HERC2: variants seen among roughly 807,000 people sequenced by gnomAD.
HERC2 encodes HECT and RLD domain containing E3 ubiquitin protein ligase 2.
A neutral mutation model predicts 537.7 loss-of-function variants in HERC2; 102 were observed. The ratio of observed to expected loss-of-function variants is 0.19; its 90% CI spans 0.16 to 0.22. The LOEUF (loss-of-function observed/expected upper bound fraction) is 0.22. Ranked by LOEUF, HERC2 falls within the 10% of genes least tolerant of loss-of-function variation. HERC2 has a pLI of 1.00. For missense variants in HERC2, 4,236 were observed against 6,198.2 expected (o/e 0.68, Z 10.63); for synonymous variants, 2,224 against 2,466.2 (o/e 0.90, Z 2.91).
chr15:28,116,084 T>A (rs1049596981), intron 88 of HERC2, among the ~76,000 whole-genome samples: 1 of 152,202 alleles, frequency 6.6e-6, no homozygotes, highest in African/African-American at 2.4e-5. Flanking sequence ...GCTCTGCCAG[T>A]GCCTGCAGCT....
chr15:28,291,550 C>T (rs114893914), intron 4 of HERC2, among the ~76,000 whole-genome samples: 3,046 of 152,042 alleles, frequency 0.02, 101 homozygotes, highest in African/African-American at 0.07. Context: ...ATAATCTATA[C>T]ATTTTTATAA....
chr15:28,133,582 C>G (rs1447542766), intron 79 of HERC2, among the ~76,000 whole-genome samples: 1 of 152,190 alleles, frequency 6.6e-6, no homozygotes, highest in Non-Finnish European at 1.5e-5. Flanking sequence ...ATTTTACATT[C>G]TACATTCATG....
intron 52 of HERC2, among the ~76,000 whole-genome samples, chr15:28,193,046 T>C (rs550460884): frequency 3.9e-5 from 6 of 152,078 alleles, no homozygotes; most frequent in African/African-American, 1.4e-4. Flanking sequence ...AGAACAACCT[T>C]CTCTCCTCCA....
At chr15:28,283,065 C>T (rs2076066824) in intron 4 of HERC2, among the ~76,000 whole-genome samples, 1 of 128,572 alleles carries the variant, frequency 7.8e-6, no homozygotes, top group Non-Finnish European at 1.6e-5. Flanking sequence ...AAAAACCAGT[C>T]TTGGGGACCT....
chr15:28,168,761 T>C lies in HERC2; in HGVS notation c.10230-171A>G, dbSNP rs1286757376. ...TTATTACCATGTATCCTTTGGCTAA[T>C]AGCTAAAATGTTTACTCTGGATCCT... On this transcript the variant is annotated intron_variant, in intron 66 of 92. Coordinates refer to ENST00000261609, the MANE Select transcript of HERC2 (RefSeq NM_004667.6). Among the ~76,000 whole-genome samples, 4 of 152,370 alleles carry C rather than the reference T, an allele frequency of 2.6e-5. No homozygotes were observed. The East Asian group carries it at 7.7e-4, about 29-fold the overall frequency.
Position 28,113,024 on chromosome 15 carries a change from G to A in HERC2, c.14232+47C>T, listed in dbSNP as rs762828817. 40 of 1,528,946 alleles carry A rather than the reference G, an allele frequency of 2.6e-5. No individual in the cohort carries two copies. Among genetic ancestry groups the A allele is most frequent in the African/African-American group, 2.5e-4 (18 of 72,924 alleles). 94.7% of individuals were successfully genotyped at this position (1,528,946 alleles called of 1,614,324 possible). ...GTGGGTGAGGAGCCAGCCACCCACCGTCGGCCGACATCAGCCCAGGGCCGG... is the reference window on the plus strand; with the variant it reads ...GTGGGTGAGGAGCCAGCCACCCACCATCGGCCGACATCAGCCCAGGGCCGG... On this transcript the variant is annotated intron_variant, in intron 92 of 92. Transcript: ENST00000261609. This position sits in a 1 kb window ranked among gnomAD's most constrained non-coding sequence, Gnocchi z 7.0.
At position 28,270,818 on chromosome 15, in the gene HERC2, G is replaced by A; in HGVS notation, c.1134C>T (p.Thr378=). Residue 378 remains threonine (T), a synonymous_variant, in exon 10 of 93, where the codon ACC becomes ACT. Transcript: ENST00000261609. Reference sequence around the variant, plus strand: ...TGGCAAGCTCGTTGTCTTGTGGAAGGGTGAGGTACCTCAGGAAACTCTCAT... The same window carrying A: ...TGGCAAGCTCGTTGTCTTGTGGAAGAGTGAGGTACCTCAGGAAACTCTCAT... ...SPNESFLRYL[T]LPQDNELAID... 8 of 1,613,892 alleles carry A rather than the reference G, an allele frequency of 5.0e-6. No homozygotes were observed. Among genetic ancestry groups the A allele is most frequent in the Non-Finnish European group, 6.8e-6 (8 of 1,179,838 alleles).
In HERC2 at chr15:28,211,090, T is replaced by G; in HGVS notation, c.6981A>C (p.Lys2327Asn). The G allele has an allele frequency of 6.2e-7, 1 of 1,611,466 alleles. No homozygotes were observed. The highest frequency in any genetic ancestry group is 1.3e-5 in the African/African-American group (1 of 74,930). Residue 2327 changes from lysine (K) to asparagine (N), a missense_variant, in exon 44 of 93, where the codon AAA becomes AAC. Lys to Asn is a moderately conservative substitution (Grantham distance 94). Transcript: ENST00000261609. ...RCQQLKLYIL[K>N]AGRALLSHQD... ...GGTGGGAGAGCAGCGCCCGACCTGC[T>G]TTCAGGATGTATAGCTTCAACTGCT...
intron 5 of HERC2, 29 bp from the exon 6 acceptor site, chr15:28,275,034 C>T (rs1172795596): frequency 2.1e-6 from 3 of 1,460,374 alleles, no homozygotes; most frequent in Non-Finnish European, 2.9e-6. Flanking sequence ...GAACATACAA[C>T]CAGTCAGCAG....
chr15:28,127,514 AG>A (rs1374323940), intron 83 of HERC2, among the ~76,000 whole-genome samples: 1 of 152,224 alleles, frequency 6.6e-6, no homozygotes, highest in African/African-American at 2.4e-5. Context: ...AACATAAACC[AG>A]GGTATTGTTT....
chr15:28,139,928 C>T (rs1262441294), intron 78 of HERC2, among the ~76,000 whole-genome samples: 1 of 149,880 alleles, frequency 6.7e-6, no homozygotes, highest in African/African-American at 2.5e-5. Context: ...ATTAGCCAGG[C>T]GTGGTGGCGG....
chr15:28,292,853 C>G (rs1205843182), intron 4 of HERC2, 35 bp downstream of exon 4: 4 of 1,598,414 alleles, frequency 2.5e-6, no homozygotes, highest in East Asian at 2.2e-5. Context: ...AGCGTCAGAT[C>G]AACCTTTCCA....
chr15:28,276,079 C>A (rs957803693), intron 5 of HERC2, among the ~76,000 whole-genome samples: 3 of 144,396 alleles, frequency 2.1e-5, no homozygotes, highest in Admixed American at 7.1e-5. Flanking sequence ...CCCAGCTACT[C>A]GGAGGCTGAG....
At position 28,275,052 on chromosome 15, in the gene HERC2, T is replaced by C. The variant is rs748043117; in HGVS notation, c.543-47A>G. 2.5e-6 allele frequency: 3 copies of C among 1,204,806 alleles called. No individual in the cohort carries two copies. In the Admixed American group the frequency reaches 5.1e-5, roughly 21 times the overall value. The allele number at this position is 1,204,806 out of a possible 1,614,324, so 74.6% of individuals were successfully genotyped here. A position where few individuals can be genotyped will look rare whatever the true frequency, so the allele number is the denominator to read the frequency against. ...CATACAACCAGTCAGCAGCAGAGGG[T>C]GCAGATACTACATAAAATCAATACT... On this transcript the variant is annotated intron_variant, in intron 5 of 92. Transcript: ENST00000261609.
chr15:28,155,254 G>C (rs990226275), intron 69 of HERC2, among the ~76,000 whole-genome samples: 7 of 152,112 alleles, frequency 4.6e-5, no homozygotes, highest in African/African-American at 7.2e-5. Context: ...ATAGCAGCAT[G>C]ATTTATAATC....
In HERC2 at chr15:28,141,496, G is replaced by C. The variant is rs1304907149; in HGVS notation, c.11951C>G (p.Thr3984Ser). 1.9e-6 allele frequency: 3 copies of C among 1,614,024 alleles called. No homozygotes were observed. In the African/African-American group the frequency reaches 4.0e-5, roughly 22 times the overall value. Residue 3984 changes from threonine (T) to serine (S), a missense_variant, in exon 78 of 93, where the codon ACT becomes AGT. Around this residue, in one of 27 missense-constraint regions of HERC2, gnomAD observed 156 missense variants for 172.3 expected, o/e 0.91. Transcript: ENST00000261609. ...KVPTPCEALA[T>S]LRPVQLIGGE... ...TCCGATTAACTGCACGGGTCTGAGA[G>C]TTGCAAGGGCTTCACAGGGAGTGGG...
chr15:28,179,390 G>A (rs1895611507), intron 57 of HERC2, among the ~76,000 whole-genome samples, 167 bp from the exon 58 acceptor site: 1 of 152,336 alleles, frequency 6.6e-6, no homozygotes, highest in South Asian at 2.1e-4. Flanking sequence ...AGATTATAAT[G>A]GAGCTGAAAA....
chr15:28,222,349 A>G, intron 35 of HERC2, 134 bp from the exon 36 acceptor site: 1 of 552,486 alleles, frequency 1.8e-6, no homozygotes, highest in South Asian at 2.2e-5. Flanking sequence ...TATCAATATA[A>G]TATTATGAAT....
At chr15:28,149,986 G>A (rs1252082332) in intron 70 of HERC2, among the ~76,000 whole-genome samples, 2 of 150,188 alleles carry the variant, frequency 1.3e-5, no homozygotes, top group Admixed American at 6.6e-5. Flanking sequence ...GAACATCACC[G>A]AGAACGGCCA....
Sources: allele counts gnomAD v4.1 joint callset (sites outside exome capture counted in the v4.1 genomes callset), GRCh38; gene constraint gnomAD v4.1.1; regional missense constraint gnomAD v4.1.1; non-coding constraint Gnocchi (gnomAD v3.1); transcripts MANE v1.5; gene names NCBI Gene and HGNC (gene_info 2026-07-23, HGNC 2026-07-21).